NALCN: variants seen among roughly 807,000 people sequenced by gnomAD.
NALCN encodes the protein sodium leak channel, non-selective, also known as sodium leak channel NALCN.
A neutral mutation model predicts 225.3 loss-of-function variants in NALCN; 111 were observed. The ratio of observed to expected loss-of-function variants is 0.49; its 90% CI spans 0.42 to 0.58. NALCN has a LOEUF of 0.58. Among genes scored for constraint, NALCN ranks in the 20% least tolerant of loss-of-function variants. NALCN has a pLI of 0.00. For synonymous variants in NALCN, 764 were observed against 769.0 expected, an observed-to-expected ratio of 0.99 and a Z score of 0.11; for missense variants, 1,378 against 2,202.4, an observed-to-expected ratio of 0.63 and a Z score of 7.49.
intron 6 of NALCN, 88 bp from the exon 7 acceptor site, chr13:101,345,508 C>G: frequency 6.8e-7 from 1 of 1,463,882 alleles, no homozygotes; most frequent in Non-Finnish European, 9.2e-7. Flanking sequence ...TCATTAATAT[C>G]TATGTATCTG....
At chr13:101,082,666 C>A in intron 33 of NALCN, 143 bp downstream of exon 33, 1 of 791,746 alleles carries the variant, frequency 1.3e-6, no homozygotes, top group Non-Finnish European at 2.1e-6. Context: ...TTAAGCAGAA[C>A]CGCTTAAGTA....
At chr13:101,083,239 G>T (rs1459361158) in intron 31 of NALCN, 41 bp from the exon 32 acceptor site, 3 of 1,492,746 alleles carry the variant, frequency 2.0e-6, no homozygotes, top group Non-Finnish European at 2.8e-6. Flanking sequence ...TTAGACACAG[G>T]TCACATTTAC....
At chr13:101,181,696 T>C (rs989295860) in intron 14 of NALCN, among the ~76,000 whole-genome samples, 2 of 152,018 alleles carry the variant, frequency 1.3e-5, no homozygotes, top group Non-Finnish European at 2.9e-5. Context: ...GAGCTGTGAA[T>C]GTGCCACTGC....
intron 40 of NALCN, among the ~76,000 whole-genome samples, chr13:101,064,748 G>A (rs866980311): frequency 3.9e-5 from 6 of 152,138 alleles, no homozygotes; most frequent in South Asian, 2.1e-4. Flanking sequence ...CCTCCATCTC[G>A]GGCTTCCAGC....
intron 1 of NALCN, 64 bp from the exon 2 acceptor site, chr13:101,399,229 C>T (rs1169731955): frequency 1.7e-6 from 2 of 1,157,024 alleles, no homozygotes; most frequent in Middle Eastern, 2.0e-4. Flanking sequence ...AAATTGAGTT[C>T]CCCACATATA....
At chr13:101,056,246 CTTTTTTT>C (rs34583741) in intron 43 of NALCN, among the ~76,000 whole-genome samples, 11 of 45,848 alleles carry the variant, frequency 2.4e-4, no homozygotes, top group African/African-American at 3.7e-4. Context: ...AGTGGAAGTA[CTTTTTTT>C]TTTTTTTTTT....
At position 101,318,908 on chromosome 13, in the gene NALCN, A is replaced by G. The variant is rs2139182450; in HGVS notation, c.799+26358T>C. 1.3e-5 allele frequency among the ~76,000 whole-genome samples: 2 copies of G among 152,348 alleles called. 1 individual carries two copies. The highest frequency in any genetic ancestry group is 1.3e-4 in the Admixed American group (2 of 15,306). On this transcript the variant is annotated intron_variant, in intron 7 of 43. Transcript: ENST00000251127. ...CAGCTGACAAGTGACTCATAAAAAC[A>G]GAAATCCCTGCCTACTCTTCAAACT...
At chr13:101,174,125 A>C (rs1283812456) in intron 15 of NALCN, among the ~76,000 whole-genome samples, 1 of 152,206 alleles carries the variant, frequency 6.6e-6, no homozygotes, top group Non-Finnish European at 1.5e-5. Context: ...ATTTGCTATA[A>C]TGAATTTCAG....
In NALCN at chr13:101,104,128, A is replaced by ATT; in HGVS notation, c.2889+166_2889+167insAA. Among the ~76,000 whole-genome samples, 1 of 152,328 alleles carries ATT rather than the reference A, an allele frequency of 6.6e-6. No homozygotes were observed. The highest frequency in any genetic ancestry group is 2.1e-4 in the South Asian group (1 of 4,824). On this transcript the variant is annotated intron_variant, in intron 25 of 43. Coordinates refer to ENST00000251127, the MANE Select transcript of NALCN (RefSeq NM_052867.4). This position sits in a 1 kb window ranked among gnomAD's most constrained non-coding sequence, Gnocchi z 4.2. ...ATGATGCTCTTAATTTAGATTTTACATGCATGGCCCTTATTTGCATATAAT... is the reference window on the plus strand; with the variant it reads ...ATGATGCTCTTAATTTAGATTTTACATTTGCATGGCCCTTATTTGCATATAAT...
intron 28 of NALCN, among the ~76,000 whole-genome samples, chr13:101,094,146 G>T (rs617299): frequency 0.058 from 8,767 of 152,204 alleles, 745 homozygotes; most frequent in African/African-American, 0.19. Context: ...TTGGAGGGGG[G>T]TACCCTTTCC....
In NALCN at chr13:101,122,994, G is replaced by A. The variant is rs116147892; in HGVS notation, c.2192+1614C>T. ...GATTTTACATCCCAGATTAATACAC[G>A]CCATAGTTTCCGGATGAGTGAGAGT... On this transcript the variant is annotated intron_variant, in intron 18 of 43. Coordinates refer to ENST00000251127, the MANE Select transcript of NALCN (RefSeq NM_052867.4). 3.1e-3 allele frequency among the ~76,000 whole-genome samples: 474 copies of A among 152,260 alleles called. 1 individual carries two copies. The highest frequency in any genetic ancestry group is 0.011 in the African/African-American group (460 of 41,554).
rs1555371639 is a variant in NALCN at position 101,054,092 on chromosome 13, A to ATAGTT, written c.*1198_*1202dup. 1 of 152,218 alleles carries ATAGTT rather than the reference A, an allele frequency of 6.6e-6. No homozygotes were observed. Among genetic ancestry groups the ATAGTT allele is most frequent in the Non-Finnish European group, 1.5e-5 (1 of 68,038 alleles). 9.4% of individuals were successfully genotyped at this position (152,218 alleles called of 1,614,324 possible). A position where few individuals can be genotyped will look rare whatever the true frequency, so the allele number is the denominator to read the frequency against. The stretch of plus-strand genomic sequence containing the variant: ...CAGCAAATGTCCAATCTGTAATAAA[A>ATAGTT]TAGTTAAAGGTCCAAGTCAAGTCCA... On this transcript the variant is annotated 3_prime_UTR_variant, in exon 44 of 44. Coordinates refer to ENST00000251127, the MANE Select transcript of NALCN (RefSeq NM_052867.4).
At chr13:101,119,662 A>G (rs1197134174) in intron 18 of NALCN, among the ~76,000 whole-genome samples, 3 of 152,244 alleles carry the variant, frequency 2.0e-5, no homozygotes, top group Non-Finnish European at 4.4e-5. Context: ...TTGAAAGTAC[A>G]TTGCTATTTG....
At chr13:101,137,391 CTCTTT>C (rs1305868864) in intron 17 of NALCN, among the ~76,000 whole-genome samples, 7 of 151,524 alleles carry the variant, frequency 4.6e-5, no homozygotes, top group Non-Finnish European at 7.4e-5. Context: ...CTCTCTCTCT[CTCTTT>C]TAAGGTGAAC....
chr13:101,159,951 T>C (rs1339416411), intron 15 of NALCN, among the ~76,000 whole-genome samples: 2 of 147,888 alleles, frequency 1.4e-5, no homozygotes, highest in Non-Finnish European at 3.0e-5. Context: ...TATTTTTTGT[T>C]ATTTTTATTT....
chr13:101,370,720 T>C (rs2046515206), intron 6 of NALCN, among the ~76,000 whole-genome samples: 1 of 152,106 alleles, frequency 6.6e-6, no homozygotes, highest in Non-Finnish European at 1.5e-5. Context: ...ATATGAAAAA[T>C]TAGATTTCTA....
intron 14 of NALCN, among the ~76,000 whole-genome samples, chr13:101,189,636 C>A (rs1476591323): frequency 6.6e-6 from 1 of 152,186 alleles, no homozygotes; most frequent in Non-Finnish European, 1.5e-5. Flanking sequence ...TTTTTGCCTT[C>A]CAATTTCATA....
chr13:101,127,818 T>C (rs1174107898), intron 17 of NALCN, among the ~76,000 whole-genome samples: 1 of 152,232 alleles, frequency 6.6e-6, no homozygotes, highest in Non-Finnish European at 1.5e-5. Flanking sequence ...AGGCCTATAG[T>C]GATTATCTAG....
chr13:101,364,634 AG>A (rs1450351633), intron 6 of NALCN, among the ~76,000 whole-genome samples: 1 of 152,118 alleles, frequency 6.6e-6, no homozygotes, highest in East Asian at 1.9e-4. Flanking sequence ...ACAAAAATAC[AG>A]TCAGATAAAA....
Sources: allele counts gnomAD v4.1 joint callset (sites outside exome capture counted in the v4.1 genomes callset), GRCh38; gene constraint gnomAD v4.1.1; non-coding constraint Gnocchi (gnomAD v3.1); transcripts MANE v1.5; gene names NCBI Gene and HGNC (gene_info 2026-07-23, HGNC 2026-07-21).